SRBD1: variants seen among roughly 807,000 people sequenced by gnomAD.
The protein encoded by SRBD1 is S1 RNA binding domain 1.
Under a neutral mutation model 115.3 loss-of-function variants are expected in SRBD1, and 88 were observed. That is an observed-to-expected ratio of 0.76 (90% confidence interval 0.64 to 0.91). SRBD1 has a LOEUF of 0.91. Ranked by LOEUF, SRBD1 falls within the 40% of genes least tolerant of loss-of-function variation. SRBD1 has a pLI of 0.00. For synonymous variants in SRBD1, 509 were observed against 407.7 expected, an observed-to-expected ratio of 1.25 and a Z score of -2.99; for missense variants, 1,385 against 1,177.4, an observed-to-expected ratio of 1.18 and a Z score of -2.58.
intron 1 of SRBD1, among the ~76,000 whole-genome samples, chr2:45,606,938 G>A (rs538791688): frequency 1.3e-5 from 2 of 152,234 alleles, no homozygotes; most frequent in South Asian, 2.1e-4. Flanking sequence ...AATCTCTCAT[G>A]GAAATACTAA....
At chr2:45,546,956 A>G in intron 13 of SRBD1, 117 bp from the exon 14 acceptor site, 1 of 919,290 alleles carries the variant, frequency 1.1e-6, no homozygotes, top group Non-Finnish European at 1.7e-6. Context: ...TCTCATATAT[A>G]CAAGCAACCT....
chr2:45,517,724 G>T (rs989988401), intron 14 of SRBD1, among the ~76,000 whole-genome samples: 4 of 152,248 alleles, frequency 2.6e-5, no homozygotes, highest in African/African-American at 9.6e-5. Flanking sequence ...GCTGGGCGTG[G>T]TGGCTCACAC....
chr2:45,394,151 T>G (rs1160190898), intron 19 of SRBD1, among the ~76,000 whole-genome samples: 1 of 152,232 alleles, frequency 6.6e-6, no homozygotes, highest in Non-Finnish European at 1.5e-5. Flanking sequence ...TTATACATTA[T>G]GTAACTGTAA....
At chr2:45,569,793 A>C (rs539634031) in intron 9 of SRBD1, among the ~76,000 whole-genome samples, 1 of 152,216 alleles carries the variant, frequency 6.6e-6, no homozygotes, top group Admixed American at 6.5e-5. Flanking sequence ...TTTCTCAAAT[A>C]TAACATACAA....
intron 2 of SRBD1, among the ~76,000 whole-genome samples, chr2:45,602,652 C>G (rs1394217370): frequency 6.6e-6 from 1 of 152,066 alleles, no homozygotes; most frequent in Non-Finnish European, 1.5e-5. Context: ...GGATCAGGTG[C>G]GACTATAGTA....
intron 10 of SRBD1, among the ~76,000 whole-genome samples, chr2:45,553,950 TA>T (rs1164164335): frequency 6.6e-6 from 1 of 152,130 alleles, no homozygotes; most frequent in Non-Finnish European, 1.5e-5. Context: ...TGGTCAGATA[TA>T]AAACAAGGAA....
chr2:45,460,191 C>T (rs1381038367), intron 16 of SRBD1, among the ~76,000 whole-genome samples: 1 of 152,140 alleles, frequency 6.6e-6, no homozygotes, highest in African/African-American at 2.4e-5. Flanking sequence ...GGCTGGATGT[C>T]TTCTGCATTC....
At chr2:45,503,118 C>T (rs561664315) in intron 14 of SRBD1, among the ~76,000 whole-genome samples, 3 of 152,334 alleles carry the variant, frequency 2.0e-5, no homozygotes, top group South Asian at 4.1e-4. Context: ...TCCAGCTGCA[C>T]AATACATAAA....
intron 9 of SRBD1, among the ~76,000 whole-genome samples, chr2:45,567,569 A>C (rs1489677656): frequency 6.6e-6 from 1 of 152,110 alleles, no homozygotes; most frequent in Non-Finnish European, 1.5e-5. Flanking sequence ...GGATTCTGCC[A>C]CTGCACTCCA....
intron 19 of SRBD1, among the ~76,000 whole-genome samples, chr2:45,403,319 G>A (rs545372151): frequency 8.1e-6 from 1 of 122,956 alleles, no homozygotes; most frequent in African/African-American, 3.0e-5. Flanking sequence ...ACCACAGCCA[G>A]TTTAGATTAT....
At chr2:45,414,290 A>C (rs1014886411) in intron 18 of SRBD1, among the ~76,000 whole-genome samples, 49 of 152,316 alleles carry the variant, frequency 3.2e-4, no homozygotes, top group African/African-American at 1.1e-3. Flanking sequence ...GATTAATTCT[A>C]GCAAAAACCA....
chr2:45,462,025 A>T (rs1189293698), intron 16 of SRBD1, among the ~76,000 whole-genome samples: 1 of 152,214 alleles, frequency 6.6e-6, no homozygotes, highest in Admixed American at 6.5e-5. Context: ...AGAAACAGAG[A>T]TTAAAAATTG....
Position 45,547,367 on chromosome 2 carries a change from G to C in SRBD1, c.1766+155C>G, listed in dbSNP as rs1230974879. On this transcript the variant is annotated intron_variant, in intron 13 of 20. Transcript: ENST00000263736. ...AGCGTTTCTCAAGTCTCCACATGCA[G>C]AGTTCTCCAGCAATTTGCCCCAGAA... Among the ~76,000 whole-genome samples, 4 of 152,108 alleles carry C rather than the reference G, an allele frequency of 2.6e-5. No individual in the cohort carries two copies. The East Asian group carries it at 7.7e-4, about 29-fold the overall frequency.
At chr2:45,458,098 A>G (rs1669207002) in intron 16 of SRBD1, among the ~76,000 whole-genome samples, 1 of 152,010 alleles carries the variant, frequency 6.6e-6, no homozygotes. Flanking sequence ...TTATAATTTT[A>G]AACCTATCAA....
At chr2:45,521,286 AACACAC>A (rs71394840) in intron 14 of SRBD1, among the ~76,000 whole-genome samples, 89 of 146,426 alleles carry the variant, frequency 6.1e-4, no homozygotes, top group African/African-American at 2.0e-3. Flanking sequence ...CAAAAAGGAA[AACACAC>A]ACACACACAC....
At chr2:45,523,972 A>C (rs1402579772) in intron 14 of SRBD1, among the ~76,000 whole-genome samples, 1 of 152,072 alleles carries the variant, frequency 6.6e-6, no homozygotes, top group Non-Finnish European at 1.5e-5. Flanking sequence ...AGTGGGATTT[A>C]TCCCAAAAAT....
intron 16 of SRBD1, among the ~76,000 whole-genome samples, chr2:45,450,118 T>C (rs2103739244): frequency 6.6e-6 from 1 of 152,308 alleles, no homozygotes; most frequent in African/African-American, 2.4e-5. Flanking sequence ...CCTACGATAC[T>C]AAATTTTCCA....
chr2:45,408,057 T>C (rs949945789), intron 19 of SRBD1, among the ~76,000 whole-genome samples: 3 of 152,196 alleles, frequency 2.0e-5, no homozygotes, highest in African/African-American at 7.2e-5. Flanking sequence ...GGTGATATTA[T>C]GGAAGGGTGA....
chr2:45,430,979 A>C (rs894767772), intron 16 of SRBD1, among the ~76,000 whole-genome samples: 3 of 152,248 alleles, frequency 2.0e-5, no homozygotes, highest in Non-Finnish European at 2.9e-5. Context: ...AAGTGGGTGA[A>C]GGATATAAAC....
Sources: allele counts gnomAD v4.1 joint callset (sites outside exome capture counted in the v4.1 genomes callset), GRCh38; gene constraint gnomAD v4.1.1; transcripts MANE v1.5; gene names NCBI Gene and HGNC (gene_info 2026-07-23, HGNC 2026-07-21).